Variants in SGTB observed in about 807,000 individuals in gnomAD.
The protein encoded by SGTB is small glutamine-rich tetratricopeptide repeat-containing protein beta.
A neutral mutation model predicts 43.9 loss-of-function variants in SGTB; 19 were observed. The ratio of observed to expected loss-of-function variants is 0.43; its 90% CI spans 0.30 to 0.63. The LOEUF is 0.63. Ranked by LOEUF, SGTB falls within the 30% of genes least tolerant of loss-of-function variation. The pLI, the probability that SGTB is intolerant of heterozygous loss-of-function variation, is 0.12. For synonymous variants in SGTB, 116 were observed against 117.3 expected (o/e 0.99, Z 0.07); for missense variants, 304 against 358.9 (o/e 0.85, Z 1.24).
chr5:65,691,367 GGAAATATGGAATGTC>G (rs1486845239), intron 5 of SGTB, among the ~76,000 whole-genome samples: 11 of 152,176 alleles, frequency 7.2e-5, no homozygotes, highest in African/African-American at 2.6e-4. Flanking sequence ...AAAGTACAAA[GGAAATATGGAATGTC>G]TTATTATCTC....
intron 3 of SGTB, among the ~76,000 whole-genome samples, chr5:65,709,372 A>G (rs1424049210): frequency 1.3e-5 from 2 of 151,144 alleles, no homozygotes; most frequent in Non-Finnish European, 2.9e-5. Flanking sequence ...GTATCTTTGC[A>G]TATTGTCCAG....
At chr5:65,692,291 T>C (rs1757629117) in intron 5 of SGTB, among the ~76,000 whole-genome samples, 1 of 152,210 alleles carries the variant, frequency 6.6e-6, no homozygotes, top group Non-Finnish European at 1.5e-5. Flanking sequence ...AAATATTTAA[T>C]AGAAGTTTGT....
At chr5:65,694,441 A>C (rs530094305) in intron 5 of SGTB, among the ~76,000 whole-genome samples, 1 of 152,216 alleles carries the variant, frequency 6.6e-6, no homozygotes, top group African/African-American at 2.4e-5. Flanking sequence ...GAAATTAAGA[A>C]AGTCGTCCCA....
At chr5:65,716,682 G>A (rs1434619674) in intron 2 of SGTB, among the ~76,000 whole-genome samples, 1 of 152,104 alleles carries the variant, frequency 6.6e-6, no homozygotes, top group Non-Finnish European at 1.5e-5. Context: ...GATTTTGGGT[G>A]GGGGAATCAG....
chr5:65,698,367 A>G (rs1403294869), intron 5 of SGTB, among the ~76,000 whole-genome samples: 5 of 152,162 alleles, frequency 3.3e-5, no homozygotes, highest in Non-Finnish European at 7.3e-5. Context: ...ATACTGCTTG[A>G]TCTCCATAAC....
Position 65,680,542 on chromosome 5 carries a change from C to G in SGTB, c.633G>C (p.Leu211=). 6.2e-7 allele frequency: 1 copy of G among 1,614,118 alleles called. No individual in the cohort carries two copies. Among genetic ancestry groups the G allele is most frequent in the Non-Finnish European group, 8.5e-7 (1 of 1,180,010 alleles). ...TTATCAAGCTAGCCATGTCAAAGCTCAGTCCAGTTCCTGTCTGTAAAACAA... is the reference window on the plus strand; with the variant it reads ...TTATCAAGCTAGCCATGTCAAAGCTGAGTCCAGTTCCTGTCTGTAAAACAA... ...REVSSPTGTG[L]SFDMASLINN... is the part of the protein sequence containing the mutation. The change falls in exon 8 of 11, where the codon CTG becomes CTC. Residue 211 remains leucine, a synonymous_variant. Transcript: ENST00000381007.
At chr5:65,673,216 A>T (rs972685651) in intron 8 of SGTB, among the ~76,000 whole-genome samples, 6 of 152,200 alleles carry the variant, frequency 3.9e-5, no homozygotes, top group Non-Finnish European at 7.3e-5. Context: ...TTAATGTCTC[A>T]GTGTAACAAT....
intron 5 of SGTB, among the ~76,000 whole-genome samples, chr5:65,694,775 C>T (rs1244153121): frequency 6.6e-6 from 1 of 152,020 alleles, no homozygotes; most frequent in Non-Finnish European, 1.5e-5. Flanking sequence ...TAGTAGTTGA[C>T]CAATTAGATA....
intron 5 of SGTB, among the ~76,000 whole-genome samples, chr5:65,695,642 G>A (rs1285771094): frequency 6.6e-6 from 1 of 152,052 alleles, no homozygotes; most frequent in Non-Finnish European, 1.5e-5. Flanking sequence ...CACCTTATTA[G>A]AAACAAAAGC....
rs996573474 is a variant in SGTB at position 65,666,624 on chromosome 5, C to T, written c.*3622G>A. 5.3e-5 allele frequency: 8 copies of T among 152,088 alleles called. No individual in the cohort carries two copies. The highest frequency in any genetic ancestry group is 7.4e-5 in the Non-Finnish European group (5 of 67,990). 9.4% of individuals were successfully genotyped at this position (152,088 alleles called of 1,614,324 possible). ...AAAAGTAGCTAGCACAATCCAACCA[C>T]GCAACTTTTTTTGAAATAGCTTGCA... On this transcript the variant is annotated 3_prime_UTR_variant, in exon 11 of 11. Coordinates refer to ENST00000381007, the MANE Select transcript of SGTB (RefSeq NM_019072.3).
In SGTB at chr5:65,680,724, G is replaced by A. The variant is rs1188020758; in HGVS notation, c.550C>T (p.Pro184Ser). The A allele has an allele frequency of 6.2e-7, 1 of 1,613,838 alleles. No homozygotes were observed. Among genetic ancestry groups the A allele is most frequent in the Non-Finnish European group, 8.5e-7 (1 of 1,179,976 alleles). Residue 184 changes from proline (P) to serine (S), a missense_variant, in exon 7 of 11, where the codon CCT (proline) becomes TCT (serine). Pro to Ser is a moderately conservative substitution (Grantham distance 74). Coordinates refer to ENST00000381007, the MANE Select transcript of SGTB (RefSeq NM_019072.3). Reference protein sequence around the residue: ...TSYQKALDLDPENDSYKSNLK... With the variant: ...TSYQKALDLDSENDSYKSNLK... Reference sequence around the variant, plus strand: ...TTTGACTTATAGGAATCATTTTCAGGGTCAAGATCTAATGCCTTTTGATAA... The same window carrying A: ...TTTGACTTATAGGAATCATTTTCAGAGTCAAGATCTAATGCCTTTTGATAA...
intron 10 of SGTB, among the ~76,000 whole-genome samples, chr5:65,671,235 G>C (rs904009294): frequency 3.3e-5 from 5 of 152,016 alleles, no homozygotes; most frequent in African/African-American, 1.2e-4. Context: ...AAAAAATGGG[G>C]GATTAATAGC....
At chr5:65,719,767 CA>C (rs1758219131) in intron 2 of SGTB, among the ~76,000 whole-genome samples, 1 of 152,170 alleles carries the variant, frequency 6.6e-6, no homozygotes, top group Non-Finnish European at 1.5e-5. Flanking sequence ...ATGATGCTAT[CA>C]CCCACATCCT....
intron 5 of SGTB, among the ~76,000 whole-genome samples, chr5:65,688,234 G>A (rs1455582080): frequency 2.0e-5 from 3 of 152,126 alleles, no homozygotes; most frequent in African/African-American, 7.2e-5. Flanking sequence ...ATCTTGTCCA[G>A]AAACGGAGCA....
At chr5:65,715,938 T>A (rs547411038) in intron 2 of SGTB, among the ~76,000 whole-genome samples, 1 of 152,260 alleles carries the variant, frequency 6.6e-6, no homozygotes, top group Admixed American at 6.5e-5. Flanking sequence ...CCTGGCTAAT[T>A]TTTGTATTTT....
At chr5:65,678,165 C>T (rs1266445061) in intron 8 of SGTB, among the ~76,000 whole-genome samples, 3 of 152,168 alleles carry the variant, frequency 2.0e-5, no homozygotes, top group African/African-American at 7.2e-5. Context: ...GATACAAAAT[C>T]AATGTGCAAA....
At chr5:65,676,544 A>G (rs1414999538) in intron 8 of SGTB, among the ~76,000 whole-genome samples, 1 of 152,160 alleles carries the variant, frequency 6.6e-6, no homozygotes, top group Non-Finnish European at 1.5e-5. Flanking sequence ...GAAAACTAAC[A>G]AAGATATTCA....
intron 4 of SGTB, among the ~76,000 whole-genome samples, chr5:65,707,078 T>C (rs1204630403): frequency 6.6e-6 from 1 of 151,298 alleles, no homozygotes; most frequent in African/African-American, 2.4e-5. Context: ...CTGGCCAACA[T>C]GGTGAAACCT....
chr5:65,691,563 AG>A (rs1757609604), intron 5 of SGTB, among the ~76,000 whole-genome samples: 1 of 151,638 alleles, frequency 6.6e-6, no homozygotes, highest in South Asian at 2.1e-4. Flanking sequence ...CCTGACCTCA[AG>A]TGATCCACTG....
Sources: gnomAD v4.1 joint callset for allele counts (sites outside exome capture counted in the v4.1 genomes callset) on GRCh38, gnomAD v4.1.1 for gene constraint, MANE v1.5 for transcripts, NCBI Gene and HGNC (gene_info 2026-07-23, HGNC 2026-07-21) for gene names.